The following CCDC6 variants were observed in gnomAD, a reference collection of about 807,000 sequenced individuals.
The protein encoded by CCDC6 is coiled-coil domain-containing protein 6.
Under a neutral mutation model 56.6 loss-of-function variants are expected in CCDC6, and 20 were observed. The observed-to-expected ratio is 0.35, with a 90% confidence interval of 0.25 to 0.51. CCDC6 has a LOEUF of 0.51. CCDC6 is among the 20% of genes least tolerant of loss of function. The pLI, the probability that CCDC6 is intolerant of heterozygous loss-of-function variation, is 0.95. For synonymous variants in CCDC6, 241 were observed against 234.4 expected, an observed-to-expected ratio of 1.03 and a Z score of -0.26; for missense variants, 367 against 601.1, an observed-to-expected ratio of 0.61 and a Z score of 4.07.
chr10:59,811,757 T>C (rs919420556), intron 5 of CCDC6, among the ~76,000 whole-genome samples: 3 of 152,032 alleles, frequency 2.0e-5, no homozygotes, highest in African/African-American at 7.2e-5. Context: ...TGACATCCCA[T>C]GAATACTGTA....
chr10:59,823,266 T>C (rs2070761358), intron 3 of CCDC6, among the ~76,000 whole-genome samples: 1 of 152,200 alleles, frequency 6.6e-6, no homozygotes, highest in African/African-American at 2.4e-5. Flanking sequence ...AAGGGCCCAC[T>C]GAACTCTTAA....
At chr10:59,892,821 G>T (rs1243728170) in intron 1 of CCDC6, among the ~76,000 whole-genome samples, 1 of 152,160 alleles carries the variant, frequency 6.6e-6, no homozygotes, top group Non-Finnish European at 1.5e-5. Context: ...AACTTAGCTA[G>T]TAGGGTAGCC....
chr10:59,862,546 C>CATATAT (rs2071141052), intron 1 of CCDC6, among the ~76,000 whole-genome samples: 1 of 102,224 alleles, frequency 9.8e-6, no homozygotes, highest in African/African-American at 5.8e-5. Context: ...CACACACACA[C>CATATAT]ACACACACAC....
chr10:59,840,356 T>A (rs1366433735), intron 2 of CCDC6, among the ~76,000 whole-genome samples: 1 of 152,222 alleles, frequency 6.6e-6, no homozygotes, highest in Non-Finnish European at 1.5e-5. Context: ...TCATTTGCCA[T>A]TTTTCCTCTG....
At chr10:59,825,736 C>G (rs2070782800) in intron 3 of CCDC6, among the ~76,000 whole-genome samples, 3 of 152,184 alleles carry the variant, frequency 2.0e-5, no homozygotes, top group Admixed American at 6.5e-5. Flanking sequence ...TTCTAGACAA[C>G]CAAGGCAGAA....
At chr10:59,812,587 G>A (rs774652726) in intron 5 of CCDC6, 48 bp downstream of exon 5, 1 of 1,378,342 alleles carries the variant, frequency 7.3e-7, no homozygotes, top group East Asian at 2.4e-5. Context: ...ATTTGGTAAA[G>A]TTATTAATTC....
chr10:59,897,734 C>G (rs2071474564), intron 1 of CCDC6, among the ~76,000 whole-genome samples: 1 of 152,202 alleles, frequency 6.6e-6, no homozygotes, highest in Non-Finnish European at 1.5e-5. Context: ...CTTATAGAAG[C>G]AACAGGTGAA....
At chr10:59,833,896 C>T (rs1334158285) in intron 2 of CCDC6, among the ~76,000 whole-genome samples, 2 of 152,076 alleles carry the variant, frequency 1.3e-5, no homozygotes, top group African/African-American at 4.8e-5. Context: ...TAGACTGAAG[C>T]AATACAGCTG....
At chr10:59,870,228 G>A (rs1482443305) in intron 1 of CCDC6, among the ~76,000 whole-genome samples, 2 of 152,154 alleles carry the variant, frequency 1.3e-5, no homozygotes, top group Admixed American at 6.5e-5. Flanking sequence ...GCAACTCATT[G>A]AGACGTGGAA....
rs778368585 is a variant in CCDC6, at chr10:59,849,849, A to G, written c.453+2704T>C. Among the ~76,000 whole-genome samples the G allele has an allele frequency of 2.0e-5, 3 of 152,234 alleles. No homozygotes were observed. The East Asian group carries it at 5.8e-4, about 29-fold the overall frequency. Reference sequence around the variant, plus strand: ...TCTATTGGTATCAATTACTCCAAGAATCTTCCAGATGGAAAACAGTATTTC... The same window carrying G: ...TCTATTGGTATCAATTACTCCAAGAGTCTTCCAGATGGAAAACAGTATTTC... On this transcript the variant is annotated intron_variant, in intron 2 of 8. Coordinates refer to ENST00000263102, the MANE Select transcript of CCDC6 (RefSeq NM_005436.5).
chr10:59,792,886 CCCAACTTGAAA>C lies in CCDC6; in HGVS notation c.*20_*30del. ...GAGTAGACGGCTCCATTGGATGAGT[CCCAACTTGAAA>C]TTCAGACTAAGCTCATGCATTAAGG... On this transcript the variant is annotated 3_prime_UTR_variant, in exon 9 of 9. Coordinates refer to ENST00000263102, the MANE Select transcript of CCDC6 (RefSeq NM_005436.5). 6.2e-7 allele frequency: 1 copy of C among 1,608,560 alleles called. No homozygotes were observed. Among genetic ancestry groups the C allele is most frequent in the Non-Finnish European group, 8.5e-7 (1 of 1,175,674 alleles).
At chr10:59,859,175 T>C (rs900206946) in intron 1 of CCDC6, among the ~76,000 whole-genome samples, 1 of 148,840 alleles carries the variant, frequency 6.7e-6, no homozygotes, top group Non-Finnish European at 1.5e-5. Flanking sequence ...GGAAGGTTTC[T>C]GGAAAAAAAA....
intron 7 of CCDC6, among the ~76,000 whole-genome samples, chr10:59,800,747 G>A (rs1025783984): frequency 2.0e-5 from 3 of 151,352 alleles, no homozygotes; most frequent in Admixed American, 6.6e-5. Flanking sequence ...TCTGACCCAG[G>A]AATACAATAA....
intron 1 of CCDC6, among the ~76,000 whole-genome samples, chr10:59,860,832 G>A (rs1187220088): frequency 6.6e-6 from 1 of 152,158 alleles, no homozygotes; most frequent in Non-Finnish European, 1.5e-5. Flanking sequence ...TGGATCACTT[G>A]AGGTTCAGGA....
chr10:59,850,583 A>C (rs906961418), intron 2 of CCDC6, among the ~76,000 whole-genome samples: 2 of 152,198 alleles, frequency 1.3e-5, no homozygotes, highest in Non-Finnish European at 2.9e-5. Context: ...CTAGGGCTAC[A>C]CATTGTATAC....
chr10:59,799,603 A>C (rs1450704870), intron 7 of CCDC6, among the ~76,000 whole-genome samples: 1 of 152,120 alleles, frequency 6.6e-6, no homozygotes. Context: ...CTGTGAAGAG[A>C]ACTGCAGTGA....
At chr10:59,819,706 C>A (rs1347566536) in intron 3 of CCDC6, among the ~76,000 whole-genome samples, 3 of 152,170 alleles carry the variant, frequency 2.0e-5, no homozygotes, top group Admixed American at 2.0e-4. Flanking sequence ...CTGTAATAAT[C>A]TCTCTTCCAC....
intron 1 of CCDC6, among the ~76,000 whole-genome samples, chr10:59,900,295 T>C (rs1489951594): frequency 1.3e-5 from 2 of 151,976 alleles, no homozygotes; most frequent in African/African-American, 4.8e-5. Flanking sequence ...AGAGGAAGTA[T>C]CAGGGCATAC....
chr10:59,803,480 T>C (rs1032446345), intron 7 of CCDC6, among the ~76,000 whole-genome samples: 5 of 152,184 alleles, frequency 3.3e-5, no homozygotes, highest in African/African-American at 9.6e-5. Context: ...CCTCCATACT[T>C]TTCTCCCAAC....
Sources: allele counts gnomAD v4.1 joint callset (sites outside exome capture counted in the v4.1 genomes callset), GRCh38; gene constraint gnomAD v4.1.1; transcripts MANE v1.5; gene names NCBI Gene and HGNC (gene_info 2026-07-23, HGNC 2026-07-21).